C2orf76: variants seen among roughly 807,000 people sequenced by gnomAD.
C2orf76 encodes the protein chromosome 2 open reading frame 76.
C2orf76 carries 23 observed loss-of-function variants against 16.9 expected under a neutral mutation model. That is an observed-to-expected ratio of 1.36 (90% CI 0.98 to 1.93). The LOEUF (loss-of-function observed/expected upper bound fraction) is 1.93. Among genes scored for constraint, C2orf76 ranks in the 30% most tolerant of loss-of-function variants. The pLI, the probability that C2orf76 is intolerant of heterozygous loss-of-function variation, is 0.00. For synonymous variants in C2orf76, 48 were observed against 52.3 expected, an observed-to-expected ratio of 0.92 and a Z score of 0.35; for missense variants, 152 against 152.6, an observed-to-expected ratio of 1.00 and a Z score of 0.02.
the C2orf76 span, among the ~76,000 whole-genome samples, chr2:119,295,092 T>C: frequency 4.6e-5 from 7 of 152,096 alleles, no homozygotes; most frequent in African/African-American, 1.7e-4. Context: ...CAGTTATTAA[T>C]GACTACGGCA....
At chr2:119,305,093 G>C (rs1678736081) in intron 5 of C2orf76, among the ~76,000 whole-genome samples, 1 of 152,196 alleles carries the variant, frequency 6.6e-6, no homozygotes, top group South Asian at 2.1e-4. Flanking sequence ...AATCTGAAAT[G>C]AATGTGCAAT....
upstream of C2orf76, chr2:119,366,931 C>G: frequency 1.5e-6 from 2 of 1,303,346 alleles, no homozygotes; most frequent in Non-Finnish European, 2.2e-6. Flanking sequence ...GGTGCTCGCC[C>G]GAGCAGGGTT....
chr2:119,311,411 T>C (rs998278617), intron 5 of C2orf76: 1 of 985,452 alleles, frequency 1.0e-6, no homozygotes, highest in Non-Finnish European at 1.2e-6. Flanking sequence ...ATTTGCATTC[T>C]GCATATTTGG....
chr2:119,330,701 G>A (rs1037407821), intron 2 of C2orf76, among the ~76,000 whole-genome samples: 2 of 151,826 alleles, frequency 1.3e-5, no homozygotes, highest in African/African-American at 4.8e-5. Flanking sequence ...TGTATATTTG[G>A]CTACTAGAAG....
intron 1 of C2orf76, among the ~76,000 whole-genome samples, chr2:119,343,794 C>CA (rs541696665): frequency 6.6e-6 from 1 of 151,984 alleles, no homozygotes; most frequent in Non-Finnish European, 1.5e-5. Flanking sequence ...AACAAACAAA[C>CA]AAAAAAACAA....
the C2orf76 span, among the ~76,000 whole-genome samples, chr2:119,287,645 G>A: frequency 6.6e-6 from 1 of 152,136 alleles, no homozygotes; most frequent in Non-Finnish European, 1.5e-5. Context: ...CGAAGACATT[G>A]AGGCTCTTTC....
At chr2:119,307,826 T>C (rs1205871329) in intron 5 of C2orf76, among the ~76,000 whole-genome samples, 2 of 152,186 alleles carry the variant, frequency 1.3e-5, no homozygotes, top group Non-Finnish European at 2.9e-5. Flanking sequence ...ATAAGTCAGT[T>C]TGAAATTAAT....
intron 2 of C2orf76, among the ~76,000 whole-genome samples, chr2:119,336,138 T>C (rs1167356331): frequency 1.3e-5 from 2 of 152,190 alleles, no homozygotes; most frequent in Non-Finnish European, 2.9e-5. Context: ...CTCACACCTG[T>C]AATCCCAGCA....
chr2:119,281,220 C>T, the C2orf76 span, among the ~76,000 whole-genome samples: 31 of 152,124 alleles, frequency 2.0e-4, no homozygotes, highest in Admixed American at 3.9e-4. Flanking sequence ...TTTCATCACC[C>T]GGGTATTAAG....
At chr2:119,283,950 T>C in the C2orf76 span, among the ~76,000 whole-genome samples, 1 of 152,200 alleles carries the variant, frequency 6.6e-6, no homozygotes, top group Non-Finnish European at 1.5e-5. Flanking sequence ...CCCATGCAAC[T>C]GTGTGATGAA....
chr2:119,327,582 C>A (rs1272122232), intron 2 of C2orf76, among the ~76,000 whole-genome samples: 3 of 151,930 alleles, frequency 2.0e-5, no homozygotes, highest in African/African-American at 7.3e-5. Flanking sequence ...CACGTGAGAT[C>A]CGGCTGTTTA....
rs886151934 is a variant in C2orf76 at position 119,366,809 on chromosome 2, C to A, written c.-32G>T. On this transcript the variant is annotated 5_prime_UTR_variant, in exon 1 of 6. Coordinates refer to ENST00000334816, the MANE Select transcript of C2orf76 (RefSeq NM_001322331.2). ...CCCCACCTGTTCCCGGCGTCCCCTT[C>A]GGCTACTCCCGGCGTTTGCGCAAGC... 10 of 582,134 alleles carry A rather than the reference C, an allele frequency of 1.7e-5. No homozygotes were observed. Among genetic ancestry groups the A allele is most frequent in the Non-Finnish European group, 2.7e-5 (9 of 329,252 alleles). 36.1% of individuals were successfully genotyped at this position (582,134 alleles called of 1,614,324 possible).
At chr2:119,297,829 T>C (rs1201920232), downstream of C2orf76, among the ~76,000 whole-genome samples, 2 of 152,176 alleles carry the variant, frequency 1.3e-5, no homozygotes, top group African/African-American at 4.8e-5. Context: ...CAAATGTGAC[T>C]TAAAACACAT....
intron 2 of C2orf76, 70 bp from the exon 3 acceptor site, chr2:119,321,274 G>A: frequency 2.4e-6 from 2 of 848,970 alleles, no homozygotes; most frequent in African/African-American, 1.8e-5. Flanking sequence ...CAGTCTTTTG[G>A]TTCTATTCTT....
chr2:119,302,044 C>G (rs917952557), downstream of C2orf76, among the ~76,000 whole-genome samples: 4 of 151,992 alleles, frequency 2.6e-5, no homozygotes, highest in Admixed American at 6.5e-5. Context: ...GGTCAAGAAA[C>G]TCAGAATTTC....
chr2:119,310,817 T>G (rs1678960124), intron 5 of C2orf76, among the ~76,000 whole-genome samples: 1 of 152,134 alleles, frequency 6.6e-6, no homozygotes. Context: ...GAGGTTGCAG[T>G]GAGCCGAGAC....
chr2:119,337,629 T>C (rs998669716), intron 2 of C2orf76, among the ~76,000 whole-genome samples: 1 of 152,150 alleles, frequency 6.6e-6, no homozygotes, highest in Non-Finnish European at 1.5e-5. Flanking sequence ...AGTTCCATAG[T>C]ACCTCAAATC....
At chr2:119,325,331 G>A (rs1213016651) in intron 2 of C2orf76, among the ~76,000 whole-genome samples, 1 of 151,782 alleles carries the variant, frequency 6.6e-6, no homozygotes, top group Admixed American at 6.6e-5. Flanking sequence ...GTGGTGGCGG[G>A]TGCCTGTATT....
chr2:119,363,340 C>T (rs1313756875), intron 1 of C2orf76, among the ~76,000 whole-genome samples: 3 of 150,854 alleles, frequency 2.0e-5, no homozygotes, highest in Non-Finnish European at 3.0e-5. Flanking sequence ...AGGAGAATGG[C>T]GTGAACCCGG....
Sources: gnomAD v4.1 joint callset for allele counts (sites outside exome capture counted in the v4.1 genomes callset) on GRCh38, gnomAD v4.1.1 for gene constraint, MANE v1.5 for transcripts, NCBI Gene and HGNC (gene_info 2026-07-23, HGNC 2026-07-21) for gene names.